Variants in RANBP9 observed in about 807,000 individuals in gnomAD.
The protein encoded by RANBP9 is RAN binding protein 9, also known as ran-binding protein 9.
A neutral mutation model predicts 84.3 loss-of-function variants in RANBP9; 15 were observed. The ratio of observed to expected loss-of-function variants is 0.18; its 90% CI spans 0.12 to 0.27. RANBP9 has a LOEUF of 0.27. Ranked by LOEUF, RANBP9 falls within the 10% of genes least tolerant of loss-of-function variation. The pLI is 1.00. For missense variants in RANBP9, 809 were observed against 912.8 expected, an observed-to-expected ratio of 0.89 and a Z score of 1.46; for synonymous variants, 392 against 349.6, an observed-to-expected ratio of 1.12 and a Z score of -1.35.
At chr6:13,639,808 T>A in intron 8 of RANBP9, 55 bp from the exon 9 acceptor site, 1 of 1,387,486 alleles carries the variant, frequency 7.2e-7, no homozygotes, top group Non-Finnish European at 1.0e-6. Flanking sequence ...GCCTTTTATT[T>A]AATAGCAACA....
intron 10 of RANBP9, among the ~76,000 whole-genome samples, chr6:13,634,761 G>A (rs1474440855): frequency 1.3e-5 from 2 of 152,094 alleles, no homozygotes; most frequent in Non-Finnish European, 2.9e-5. Flanking sequence ...GGAGGTAAGG[G>A]AGGAAAAAAA....
intron 1 of RANBP9, among the ~76,000 whole-genome samples, chr6:13,704,947 T>C (rs1281343759): frequency 6.6e-6 from 1 of 152,176 alleles, no homozygotes; most frequent in African/African-American, 2.4e-5. Flanking sequence ...TTTCCCTTAC[T>C]ACTCTATTTT....
At chr6:13,622,992 G>A (rs1276231261) in intron 13 of RANBP9, among the ~76,000 whole-genome samples, 1 of 152,162 alleles carries the variant, frequency 6.6e-6, no homozygotes, top group East Asian at 1.9e-4. Flanking sequence ...GGCTGGTGGG[G>A]AGTAAGTGGT....
chr6:13,711,077 C>T lies in RANBP9; in HGVS notation c.429G>A (p.Gln143=), dbSNP rs751338098. The change falls in exon 1 of 14, where the codon CAG becomes CAA. Residue 143 remains glutamine, a synonymous_variant. Transcript: ENST00000011619. ...FPHGDSALNE[Q]EKELQRRLKR... ...TCAGCCGCCGCTGCAACTCCTTCTCCTGCTCGTTCAGGGCCGAGTCCCCGT... is the reference window on the plus strand; with the variant it reads ...TCAGCCGCCGCTGCAACTCCTTCTCTTGCTCGTTCAGGGCCGAGTCCCCGT... The T allele has an allele frequency of 7.0e-5, 110 of 1,580,932 alleles. No individual in the cohort carries two copies. Among genetic ancestry groups the T allele is most frequent in the Non-Finnish European group, 7.6e-5 (88 of 1,163,706 alleles).
intron 2 of RANBP9, among the ~76,000 whole-genome samples, chr6:13,660,610 T>C (rs1765520141): frequency 6.6e-6 from 1 of 152,204 alleles, no homozygotes; most frequent in Non-Finnish European, 1.5e-5. Flanking sequence ...AACAGAAGTT[T>C]TAAAACTGAG....
At position 13,696,915 on chromosome 6, in the gene RANBP9, G is replaced by T. The variant is rs1277179584; in HGVS notation, c.572-19C>A. 1.3e-6 allele frequency: 2 copies of T among 1,565,302 alleles called. No homozygotes were observed. Among genetic ancestry groups the T allele is most frequent in the South Asian group, 1.2e-5 (1 of 86,704 alleles). On this transcript the variant is annotated intron_variant, in intron 1 of 13. Coordinates refer to ENST00000011619, the MANE Select transcript of RANBP9 (RefSeq NM_005493.3). ...CCATGACCTGCATAGAAACAGGAAG[G>T]AAAAAAGAAGTCACATGAGATATTC...
chr6:13,693,519 G>C (rs1161937242), intron 2 of RANBP9, among the ~76,000 whole-genome samples: 1 of 152,104 alleles, frequency 6.6e-6, no homozygotes, highest in African/African-American at 2.4e-5. Context: ...GGCCGAGGCG[G>C]ACAGATCACC....
chr6:13,680,771 A>AT (rs1402236055), intron 2 of RANBP9, among the ~76,000 whole-genome samples: 1 of 149,262 alleles, frequency 6.7e-6, no homozygotes, highest in Non-Finnish European at 1.5e-5. Context: ...AAAAAAAAAA[A>AT]GAAAGAAAGA....
chr6:13,644,652 C>T lies in RANBP9; in HGVS notation c.1005G>A (p.Val335=), dbSNP rs1424552073. 7 of 1,613,248 alleles carry T rather than the reference C, an allele frequency of 4.3e-6. No individual in the cohort carries two copies. In the Admixed American group the frequency reaches 8.3e-5, roughly 19 times the overall value. The change falls in exon 6 of 14, where the codon GTG becomes GTA. Residue 335 remains valine (V), a synonymous_variant. Transcript: ENST00000011619. ...CCCGCATATAGTCTTCTATATCAAA[C>T]ACGAAAGGATGTTGCCCAAAATTGG... ...VDANFGQHPF[V]FDIEDYMREW...
intron 1 of RANBP9, among the ~76,000 whole-genome samples, chr6:13,709,503 A>G (rs1758217998): frequency 6.6e-6 from 1 of 152,254 alleles, no homozygotes; most frequent in Non-Finnish European, 1.5e-5. Context: ...ACCTCATAAC[A>G]TAGCACCGTT....
rs374538732 is a variant in RANBP9 at position 13,689,004 on chromosome 6, A to AAAAAAAAAAAAAAAAAAAAG, written c.683+7780_683+7781insCTTTTTTTTTTTTTTTTTTT. ...CCACAAAAAAAAAAAAAAAAAAAAA[A>AAAAAAAAAAAAAAAAAAAAG]TGCTGGGCATGGTGACGCACACCCA... On this transcript the variant is annotated intron_variant, in intron 2 of 13. Transcript: ENST00000011619. Among the ~76,000 whole-genome samples, 3 of 108,996 alleles carry AAAAAAAAAAAAAAAAAAAAG rather than the reference A, an allele frequency of 2.8e-5. 1 individual carries two copies. Among genetic ancestry groups the AAAAAAAAAAAAAAAAAAAAG allele is most frequent in the Admixed American group, 2.4e-4 (2 of 8,398 alleles). The allele number at this position is 108,996 out of a possible 152,430, so 71.5% of individuals were successfully genotyped here.
intron 2 of RANBP9, among the ~76,000 whole-genome samples, chr6:13,673,173 A>C (rs537022486): frequency 2.3e-4 from 35 of 152,290 alleles, no homozygotes; most frequent in African/African-American, 7.7e-4. Flanking sequence ...CACTCACTCT[A>C]TATAAAAGAA....
Position 13,695,240 on chromosome 6 carries a change from C to G in RANBP9, c.683+1545G>C, listed in dbSNP as rs1351148464. Among the ~76,000 whole-genome samples the G allele has an allele frequency of 5.3e-5, 8 of 152,032 alleles. No homozygotes were observed. In the East Asian group the frequency reaches 1.2e-3, roughly 22 times the overall value. ...CAACAGTTATAGACTAGAATAAGAG[C>G]AAAACAGGCAGCAACTGGAGACCCA... On this transcript the variant is annotated intron_variant, in intron 2 of 13. Coordinates refer to ENST00000011619, the MANE Select transcript of RANBP9 (RefSeq NM_005493.3).
At chr6:13,676,251 T>G (rs1765883691) in intron 2 of RANBP9, among the ~76,000 whole-genome samples, 1 of 152,144 alleles carries the variant, frequency 6.6e-6, no homozygotes, top group Non-Finnish European at 1.5e-5. Flanking sequence ...TTTTTTATTG[T>G]GGTTATTGTT....
intron 1 of RANBP9, among the ~76,000 whole-genome samples, chr6:13,703,329 T>C (rs1318196820): frequency 2.0e-5 from 3 of 152,130 alleles, no homozygotes; most frequent in African/African-American, 7.2e-5. Context: ...CTCTTTCAAA[T>C]ACTCTGAGTT....
At chr6:13,706,773 G>C (rs139265850) in intron 1 of RANBP9, among the ~76,000 whole-genome samples, 1 of 151,788 alleles carries the variant, frequency 6.6e-6, no homozygotes. Flanking sequence ...AGGCCGAGGC[G>C]GGCAGATCAT....
intron 12 of RANBP9, among the ~76,000 whole-genome samples, chr6:13,631,620 C>G (rs1230012688): frequency 6.6e-6 from 1 of 152,182 alleles, no homozygotes; most frequent in Non-Finnish European, 1.5e-5. Flanking sequence ...AAACATTAGT[C>G]TCAAGGCCAC....
intron 10 of RANBP9, among the ~76,000 whole-genome samples, chr6:13,635,319 T>C (rs1167909389): frequency 6.6e-6 from 1 of 152,178 alleles, no homozygotes; most frequent in African/African-American, 2.4e-5. Flanking sequence ...TGTCAATGTA[T>C]GTCCTTCAGA....
At chr6:13,637,786 A>C (rs2127763854) in intron 10 of RANBP9, 22 bp downstream of exon 10, 1 of 1,559,930 alleles carries the variant, frequency 6.4e-7, no homozygotes, top group East Asian at 2.3e-5. Context: ...ATATTAGTGC[A>C]AAAGTCAGTG....
Sources: allele counts gnomAD v4.1 joint callset (sites outside exome capture counted in the v4.1 genomes callset), GRCh38; gene constraint gnomAD v4.1.1; transcripts MANE v1.5; gene names NCBI Gene and HGNC (gene_info 2026-07-23, HGNC 2026-07-21).